STXBP5L: variants seen among roughly 807,000 people sequenced by gnomAD.
STXBP5L encodes syntaxin-binding protein 5-like.
STXBP5L carries 65 observed loss-of-function variants against 144.5 expected under a neutral mutation model. The observed-to-expected ratio is 0.45, with a 90% confidence interval of 0.37 to 0.55. STXBP5L has a LOEUF of 0.55. STXBP5L is among the 20% of genes least tolerant of loss of function. STXBP5L has a pLI of 0.00. For missense variants in STXBP5L, 1,298 were observed against 1,405.5 expected, an observed-to-expected ratio of 0.92 and a Z score of 1.22; for synonymous variants, 505 against 469.6, an observed-to-expected ratio of 1.08 and a Z score of -0.97.
chr3:121,346,028 T>A (rs1044405832), intron 20 of STXBP5L, among the ~76,000 whole-genome samples: 23 of 151,986 alleles, frequency 1.5e-4, no homozygotes, highest in African/African-American at 5.6e-4. Context: ...TATGTGTACA[T>A]GTGAAACGTT....
intron 3 of STXBP5L, among the ~76,000 whole-genome samples, chr3:121,038,334 ATTAG>A (rs2107537051): frequency 6.6e-6 from 1 of 151,992 alleles, no homozygotes; most frequent in Non-Finnish European, 1.5e-5. Flanking sequence ...ATATATTTTT[ATTAG>A]TTTATTAAAT....
chr3:121,066,272 A>G (rs1292875348), intron 5 of STXBP5L, among the ~76,000 whole-genome samples: 2 of 151,606 alleles, frequency 1.3e-5, no homozygotes, highest in Non-Finnish European at 2.9e-5. Flanking sequence ...TCATTATTTC[A>G]CCTTTAAGTG....
At chr3:120,934,397 G>T (rs920043669) in intron 2 of STXBP5L, among the ~76,000 whole-genome samples, 18 of 151,954 alleles carry the variant, frequency 1.2e-4, no homozygotes, top group African/African-American at 4.3e-4. Flanking sequence ...ATTTGTTAAG[G>T]TATGTTTTAT....
At chr3:121,387,422 G>A (rs967955972) in intron 22 of STXBP5L, among the ~76,000 whole-genome samples, 2 of 152,180 alleles carry the variant, frequency 1.3e-5, no homozygotes, top group African/African-American at 4.8e-5. Context: ...GATCCCATTT[G>A]TCTATTTTGG....
chr3:121,151,372 G>C (rs977903796), intron 7 of STXBP5L, among the ~76,000 whole-genome samples: 3 of 152,016 alleles, frequency 2.0e-5, no homozygotes, highest in East Asian at 1.9e-4. Flanking sequence ...TTTTGTTATA[G>C]CTTCAAAAAT....
rs115246816 is a variant in STXBP5L at position 121,398,447 on chromosome 3, G to A, written c.2588-8796G>A. Among the ~76,000 whole-genome samples, 1,450 of 152,318 alleles carry A rather than the reference G, an allele frequency of 9.5e-3. 26 individuals carry two copies. Among genetic ancestry groups the A allele is most frequent in the African/African-American group, 0.032 (1,349 of 41,560 alleles). On this transcript the variant is annotated intron_variant, in intron 22 of 26. Coordinates refer to ENST00000471454, the MANE Select transcript of STXBP5L (RefSeq NM_001308330.2). Reference sequence around the variant, plus strand: ...TGGAAATGCCCCAGTTTAGAACAGCGCCCAGGATGGGCCCCTCATGGCTTT... The same window carrying A: ...TGGAAATGCCCCAGTTTAGAACAGCACCCAGGATGGGCCCCTCATGGCTTT...
intron 3 of STXBP5L, among the ~76,000 whole-genome samples, chr3:121,002,023 G>A (rs1404775162): frequency 6.6e-6 from 1 of 152,166 alleles, no homozygotes; most frequent in Non-Finnish European, 1.5e-5. Flanking sequence ...GAACCTTCAA[G>A]TGCAGATATA....
intron 3 of STXBP5L, among the ~76,000 whole-genome samples, chr3:121,039,338 A>G (rs891281815): frequency 1.3e-5 from 2 of 151,922 alleles, no homozygotes; most frequent in African/African-American, 4.8e-5. Context: ...TTAATGTTAT[A>G]CTACTTTATG....
intron 7 of STXBP5L, among the ~76,000 whole-genome samples, chr3:121,131,864 G>A (rs2045006096): frequency 6.6e-6 from 1 of 152,188 alleles, no homozygotes; most frequent in South Asian, 2.1e-4. Context: ...AAATGACAAT[G>A]TAATTGAAAA....
intron 14 of STXBP5L, 112 bp downstream of exon 14, chr3:121,240,619 A>C (rs2049634545): frequency 3.1e-6 from 3 of 975,148 alleles, no homozygotes; most frequent in Non-Finnish European, 4.6e-6. Flanking sequence ...AAGTAAAAGT[A>C]AAAATATAAG....
chr3:121,101,197 A>T (rs2043404870), intron 5 of STXBP5L, among the ~76,000 whole-genome samples: 1 of 152,094 alleles, frequency 6.6e-6, no homozygotes, highest in African/African-American at 2.4e-5. Context: ...TTCTGATATT[A>T]TTCCAAAATT....
At chr3:120,921,637 G>T (rs1709363696) in intron 2 of STXBP5L, among the ~76,000 whole-genome samples, 1 of 151,860 alleles carries the variant, frequency 6.6e-6, no homozygotes. Context: ...AATCAATTTT[G>T]ATTTGGTTTT....
intron 22 of STXBP5L, among the ~76,000 whole-genome samples, chr3:121,406,197 T>C (rs2046990476): frequency 6.6e-6 from 1 of 152,072 alleles, no homozygotes. Flanking sequence ...TACCCTTATA[T>C]ACATTTATAG....
chr3:121,267,850 CAAT>C (rs1283487259), intron 18 of STXBP5L, among the ~76,000 whole-genome samples: 2 of 152,116 alleles, frequency 1.3e-5, no homozygotes, highest in African/African-American at 4.8e-5. Flanking sequence ...ATTAAAATCA[CAAT>C]GAGATATTAT....
chr3:121,161,183 A>G (rs1201573325), intron 9 of STXBP5L, among the ~76,000 whole-genome samples: 1 of 150,282 alleles, frequency 6.7e-6, no homozygotes, highest in Non-Finnish European at 1.5e-5. Context: ...CCTAGTGGAA[A>G]TGAATTCACA....
intron 2 of STXBP5L, among the ~76,000 whole-genome samples, chr3:120,935,024 C>G (rs1710186597): frequency 1.3e-5 from 2 of 151,594 alleles, no homozygotes; most frequent in South Asian, 4.1e-4. Context: ...GAATTAATAT[C>G]TATCATATTT....
At chr3:121,394,602 GTTTT>G (rs373859677) in intron 22 of STXBP5L, among the ~76,000 whole-genome samples, 1 of 99,754 alleles carries the variant, frequency 1.0e-5, no homozygotes, top group Non-Finnish European at 1.9e-5. Flanking sequence ...TTTGTTGAGG[GTTTT>G]TTTTTTTTTT....
chr3:121,102,240 G>A (rs1025638619), intron 5 of STXBP5L, among the ~76,000 whole-genome samples: 13 of 152,102 alleles, frequency 8.5e-5, no homozygotes, highest in Middle Eastern at 3.4e-3. Context: ...CCAAAATAGA[G>A]CCCAAATAGC....
chr3:121,044,798 G>C (rs1270957939), intron 4 of STXBP5L, among the ~76,000 whole-genome samples: 1 of 152,048 alleles, frequency 6.6e-6, no homozygotes, highest in Non-Finnish European at 1.5e-5. Flanking sequence ...TGCGAAATAG[G>C]ATTCATTTGT....
Sources: allele counts gnomAD v4.1 joint callset (sites outside exome capture counted in the v4.1 genomes callset), GRCh38; gene constraint gnomAD v4.1.1; transcripts MANE v1.5; gene names NCBI Gene and HGNC (gene_info 2026-07-23, HGNC 2026-07-21).